Variants in GRM7 observed in about 807,000 individuals in gnomAD.
GRM7 encodes the protein glutamate metabotropic receptor 7.
A neutral mutation model predicts 84.5 loss-of-function variants in GRM7; 35 were observed. The observed-to-expected ratio is 0.41, with a 90% CI of 0.32 to 0.55. The LOEUF is 0.55. Ranked by LOEUF, GRM7 falls within the 20% of genes least tolerant of loss-of-function variation. The probability of loss-of-function intolerance (pLI) is 0.19; values close to 1 mark genes in which losing one functional copy is unlikely to be tolerated. For missense variants in GRM7, 1,003 were observed against 1,194.6 expected, an observed-to-expected ratio of 0.84 and a Z score of 2.36; for synonymous variants, 487 against 455.1, an observed-to-expected ratio of 1.07 and a Z score of -0.89.
At chr3:7,005,291 C>G (rs1188438703) in intron 1 of GRM7, among the ~76,000 whole-genome samples, 1 of 152,214 alleles carries the variant, frequency 6.6e-6, no homozygotes, top group Admixed American at 6.5e-5. Flanking sequence ...TCCGGGGACT[C>G]TGGCCAATTA....
intron 3 of GRM7, among the ~76,000 whole-genome samples, chr3:7,299,031 A>G (rs1231928412): frequency 1.3e-5 from 2 of 152,166 alleles, no homozygotes; most frequent in African/African-American, 2.4e-5. Context: ...AAATAAATGT[A>G]TTCAATTATT....
chr3:7,367,893 G>A (rs1181518312), intron 4 of GRM7, among the ~76,000 whole-genome samples: 2 of 145,934 alleles, frequency 1.4e-5, no homozygotes, highest in Non-Finnish European at 3.0e-5. Context: ...TTTGCCATAA[G>A]TATTCCCCAA....
At chr3:6,878,408 TG>T (rs1695392192) in intron 1 of GRM7, among the ~76,000 whole-genome samples, 4 of 151,680 alleles carry the variant, frequency 2.6e-5, no homozygotes, top group African/African-American at 9.7e-5. Context: ...TGTGTGTGTG[TG>T]TGTGTGTAGT....
intron 2 of GRM7, among the ~76,000 whole-genome samples, chr3:7,156,846 G>A (rs1270267475): frequency 1.3e-5 from 2 of 151,668 alleles, no homozygotes; most frequent in Non-Finnish European, 2.9e-5. Flanking sequence ...GTTTTCACTT[G>A]TTTATTTAGT....
intron 1 of GRM7, among the ~76,000 whole-genome samples, chr3:6,869,119 G>C (rs1385848209): frequency 6.6e-6 from 1 of 152,084 alleles, no homozygotes; most frequent in East Asian, 1.9e-4. Flanking sequence ...CAGGGGGAAG[G>C]TTTCCCAGGA....
intron 1 of GRM7, among the ~76,000 whole-genome samples, chr3:6,923,036 A>T (rs9311968): frequency 1.3e-5 from 2 of 151,226 alleles, no homozygotes; most frequent in Admixed American, 1.3e-4. Context: ...TTTTTTTTGC[A>T]ACGGAGTCTT....
At chr3:7,480,322 A>T (rs1575399244) in intron 7 of GRM7, among the ~76,000 whole-genome samples, 1 of 152,352 alleles carries the variant, frequency 6.6e-6, no homozygotes, top group African/African-American at 2.4e-5. Flanking sequence ...GCAATGTCTT[A>T]GGAAAAAGAA....
intron 9 of GRM7, among the ~76,000 whole-genome samples, chr3:7,726,613 C>CTATATATATATATATA (rs56250356): frequency 1.7e-4 from 10 of 58,094 alleles, no homozygotes; most frequent in Non-Finnish European, 3.1e-4. Context: ...CTCTCTCCCT[C>CTATATATATATATATA]TATATATATA....
chr3:7,138,139 G>GC (rs1332406199), intron 1 of GRM7, among the ~76,000 whole-genome samples: 2 of 151,792 alleles, frequency 1.3e-5, no homozygotes, highest in African/African-American at 4.8e-5. Context: ...TAAAACACTG[G>GC]CTATTCACTT....
At chr3:7,384,037 CTTTA>C (rs1694691054) in intron 4 of GRM7, among the ~76,000 whole-genome samples, 1 of 151,800 alleles carries the variant, frequency 6.6e-6, no homozygotes, top group Non-Finnish European at 1.5e-5. Flanking sequence ...GTATTTATTT[CTTTA>C]TTTAGGAGAC....
At chr3:7,064,516 A>G (rs1697574485) in intron 1 of GRM7, among the ~76,000 whole-genome samples, 2 of 115,274 alleles carry the variant, frequency 1.7e-5, no homozygotes, top group South Asian at 2.8e-4. Context: ...ATATATATAT[A>G]TACACACACA....
chr3:7,184,318 A>T (rs1228899366), intron 2 of GRM7, among the ~76,000 whole-genome samples: 1 of 152,086 alleles, frequency 6.6e-6, no homozygotes, highest in Admixed American at 6.6e-5. Flanking sequence ...CTGTTTTTTA[A>T]ATATAGCTCC....
intron 1 of GRM7, among the ~76,000 whole-genome samples, chr3:6,891,483 C>T (rs1385231187): frequency 6.6e-6 from 1 of 152,134 alleles, no homozygotes; most frequent in Non-Finnish European, 1.5e-5. Flanking sequence ...ATTTCTCCTT[C>T]ACTTATGAGG....
At chr3:7,198,592 G>A (rs753548934) in intron 2 of GRM7, among the ~76,000 whole-genome samples, 6 of 152,146 alleles carry the variant, frequency 3.9e-5, no homozygotes, top group Non-Finnish European at 5.9e-5. Flanking sequence ...CATTAGCCTA[G>A]CCTATCTTAA....
At chr3:7,097,109 C>G (rs918809198) in intron 1 of GRM7, among the ~76,000 whole-genome samples, 1 of 152,038 alleles carries the variant, frequency 6.6e-6, no homozygotes, top group Admixed American at 6.6e-5. Context: ...TTGAAGTCAC[C>G]CATGCATGCT....
At chr3:7,380,932 T>C (rs1009105558) in intron 4 of GRM7, among the ~76,000 whole-genome samples, 3 of 152,132 alleles carry the variant, frequency 2.0e-5, no homozygotes, top group African/African-American at 7.2e-5. Context: ...AAATTTCTAT[T>C]AAAATGGAGA....
chr3:7,550,563 CTCTCTCTCTCTCTCTGTGTGTGTGTG>C (rs1693407789), intron 7 of GRM7, among the ~76,000 whole-genome samples: 2 of 94,902 alleles, frequency 2.1e-5, no homozygotes, highest in Non-Finnish European at 4.8e-5. Flanking sequence ...CTCTCTCTCT[CTCTCTCTCTCTCTCTGTGTGTGTGTG>C]TGTGTGTGTG....
intron 7 of GRM7, among the ~76,000 whole-genome samples, chr3:7,544,359 C>A (rs566927192): frequency 6.6e-6 from 1 of 152,206 alleles, no homozygotes; most frequent in Non-Finnish European, 1.5e-5. Flanking sequence ...TGAGGTCTTG[C>A]TATGTTATCT....
chr3:7,153,271 T>G (rs1694345690), intron 2 of GRM7, among the ~76,000 whole-genome samples: 1 of 152,028 alleles, frequency 6.6e-6, no homozygotes, highest in Non-Finnish European at 1.5e-5. Context: ...TTTTTCTGCT[T>G]AACCTAGACA....
Sources: gnomAD v4.1 joint callset for allele counts (sites outside exome capture counted in the v4.1 genomes callset) on GRCh38, gnomAD v4.1.1 for gene constraint, MANE v1.5 for transcripts, NCBI Gene and HGNC (gene_info 2026-07-23, HGNC 2026-07-21) for gene names.